ATG10: variants seen among roughly 807,000 people sequenced by gnomAD.
The protein encoded by ATG10 is autophagy related 10, also known as ubiquitin-like-conjugating enzyme ATG10.
In ATG10, 30 loss-of-function variants were observed where a neutral mutation model predicts 32.1. The ratio of observed to expected loss-of-function variants is 0.94; its 90% CI spans 0.70 to 1.27. The LOEUF (loss-of-function observed/expected upper bound fraction) is 1.27, where lower values mean the gene tolerates loss of function less well. ATG10 is among the 50% of genes most tolerant of loss of function. The pLI, the probability that ATG10 is intolerant of heterozygous loss-of-function variation, is 0.00. For missense variants in ATG10, 233 were observed against 262.3 expected (o/e 0.89, Z 0.77); for synonymous variants, 87 against 91.5 (o/e 0.95, Z 0.28).
intron 5 of ATG10, among the ~76,000 whole-genome samples, chr5:82,233,605 C>T (rs1310948705): frequency 6.6e-6 from 1 of 152,104 alleles, no homozygotes; most frequent in Non-Finnish European, 1.5e-5. Flanking sequence ...CCCTCATGGA[C>T]CTTCTAAGTT....
At chr5:82,187,164 G>A (rs1004265268) in intron 5 of ATG10, among the ~76,000 whole-genome samples, 8 of 151,114 alleles carry the variant, frequency 5.3e-5, no homozygotes, top group African/African-American at 1.7e-4. Context: ...GGTTATTTGG[G>A]TGTAACTGAT....
chr5:82,247,998 C>G (rs1055784270), intron 5 of ATG10, among the ~76,000 whole-genome samples: 3 of 152,180 alleles, frequency 2.0e-5, no homozygotes, highest in African/African-American at 7.2e-5. Flanking sequence ...AAATTATGCT[C>G]AAATACCTCA....
chr5:82,123,356 G>A (rs116823457), intron 3 of ATG10, among the ~76,000 whole-genome samples: 7,735 of 152,144 alleles, frequency 0.051, 275 homozygotes, highest in East Asian at 0.076. Flanking sequence ...CAGACACTGG[G>A]TTCTACTTGA....
At chr5:82,092,576 G>A (rs1186838623) in intron 3 of ATG10, among the ~76,000 whole-genome samples, 4 of 152,144 alleles carry the variant, frequency 2.6e-5, no homozygotes, top group African/African-American at 2.4e-5. Context: ...GGACTAAGAG[G>A]CTGCTACCTC....
chr5:82,106,423 A>G (rs141074055), intron 3 of ATG10, among the ~76,000 whole-genome samples: 14 of 152,216 alleles, frequency 9.2e-5, no homozygotes, highest in South Asian at 6.2e-4. Context: ...CTACAGTGTT[A>G]TGTGATTTGC....
At chr5:82,236,313 T>G (rs1746548984) in intron 5 of ATG10, among the ~76,000 whole-genome samples, 1 of 152,144 alleles carries the variant, frequency 6.6e-6, no homozygotes, top group South Asian at 2.1e-4. Flanking sequence ...CATTTTCCAT[T>G]TTGCATATCA....
At chr5:82,238,059 C>G (rs957361859) in intron 5 of ATG10, among the ~76,000 whole-genome samples, 1 of 152,182 alleles carries the variant, frequency 6.6e-6, no homozygotes, top group Non-Finnish European at 1.5e-5. Flanking sequence ...GTCTTTCCAT[C>G]GATAGGGCCT....
At chr5:82,145,255 AAT>A (rs1767304602) in intron 3 of ATG10, among the ~76,000 whole-genome samples, 1 of 152,130 alleles carries the variant, frequency 6.6e-6, no homozygotes, top group Non-Finnish European at 1.5e-5. Context: ...TGTAATAATT[AAT>A]ATGATTGATT....
chr5:82,122,365 C>T (rs916762906), intron 3 of ATG10, among the ~76,000 whole-genome samples: 14 of 151,948 alleles, frequency 9.2e-5, no homozygotes, highest in African/African-American at 2.9e-4. Context: ...AATCGACTCA[C>T]GGTGGATTAG....
At chr5:82,042,197 A>G (rs951495371) in intron 2 of ATG10, among the ~76,000 whole-genome samples, 9 of 152,330 alleles carry the variant, frequency 5.9e-5, no homozygotes, top group South Asian at 4.1e-4. Flanking sequence ...ACTGACAGTC[A>G]TGGCAGAAGG....
chr5:82,195,496 G>GA lies in ATG10; in HGVS notation c.453+16911dup, dbSNP rs1744818706. On this transcript the variant is annotated intron_variant, in intron 5 of 7. Coordinates refer to ENST00000282185, the MANE Select transcript of ATG10 (RefSeq NM_031482.5). ...GGAGATCTTGGAGGGGTTTGTATGG[G>GA]AAGGCAAAGACTATGTTTATCACGA... is the stretch of plus-strand genomic sequence containing the variant. Among the ~76,000 whole-genome samples, 4 of 152,254 alleles carry GA rather than the reference G, an allele frequency of 2.6e-5. No homozygotes were observed. The East Asian group carries it at 7.7e-4, about 29-fold the overall frequency.
intron 5 of ATG10, among the ~76,000 whole-genome samples, chr5:82,191,567 G>T (rs570833530): frequency 6.6e-6 from 1 of 152,164 alleles, no homozygotes; most frequent in East Asian, 1.9e-4. Flanking sequence ...GACACAAAAA[G>T]ATTAAGTAAC....
intron 3 of ATG10, among the ~76,000 whole-genome samples, chr5:82,066,258 T>G (rs1763939223): frequency 6.6e-6 from 1 of 152,166 alleles, no homozygotes; most frequent in Admixed American, 6.6e-5. Context: ...TTCAGCTACC[T>G]ATACACACTG....
chr5:81,983,902 A>C (rs1407377365), intron 1 of ATG10, among the ~76,000 whole-genome samples: 1 of 144,610 alleles, frequency 6.9e-6, no homozygotes, highest in African/African-American at 2.6e-5. Context: ...ATCTCAGACT[A>C]TGGGCGGCCG....
At chr5:82,000,026 C>T (rs1353671528) in intron 2 of ATG10, among the ~76,000 whole-genome samples, 1 of 151,968 alleles carries the variant, frequency 6.6e-6, no homozygotes, top group Admixed American at 6.6e-5. Flanking sequence ...ATAAAACTTC[C>T]AGGCCAATAT....
chr5:82,253,566 A>G (rs771004659), intron 7 of ATG10, 137 bp downstream of exon 7: 11 of 632,166 alleles, frequency 1.7e-5, no homozygotes, highest in Non-Finnish European at 2.8e-5. Flanking sequence ...TAGTTTTCCA[A>G]TCAGTCCCCT....
chr5:82,009,826 G>C lies in ATG10; in HGVS notation c.108+22148G>C. On this transcript the variant is annotated intron_variant, in intron 2 of 7. Coordinates refer to ENST00000282185, the MANE Select transcript of ATG10 (RefSeq NM_031482.5). ...AAGATGCCAGGACCTGTATGCTTTA[G>C]GATGAAGTTCTCATCTTCAAATTTC... The C allele has an allele frequency of 2.5e-6, 4 of 1,606,938 alleles. No homozygotes were observed. The East Asian group carries it at 8.9e-5, about 36-fold the overall frequency.
intron 2 of ATG10, among the ~76,000 whole-genome samples, chr5:82,056,286 T>C (rs2149746917): frequency 6.6e-6 from 1 of 152,296 alleles, no homozygotes. Flanking sequence ...TGGGGCCATG[T>C]AATTGAAAAA....
At chr5:82,045,452 G>A (rs72776835) in intron 2 of ATG10, among the ~76,000 whole-genome samples, 12,457 of 152,098 alleles carry the variant, frequency 0.082, 758 homozygotes, top group African/African-American at 0.18. Context: ...GATATTTAAG[G>A]AAGATTCCCT....
Sources: gnomAD v4.1 joint callset for allele counts (sites outside exome capture counted in the v4.1 genomes callset) on GRCh38, gnomAD v4.1.1 for gene constraint, MANE v1.5 for transcripts, NCBI Gene and HGNC (gene_info 2026-07-23, HGNC 2026-07-21) for gene names.